The following ZNF345 variants were observed in gnomAD, a reference collection of about 807,000 sequenced individuals.
ZNF345 encodes the protein zinc finger protein HZF10.
For missense variants in ZNF345, 527 were observed against 589.9 expected (o/e 0.89, Z 1.10); for synonymous variants, 166 against 187.9 (o/e 0.88, Z 0.95).
intron 3 of ZNF345, chr19:36,888,732 G>GC (rs2073021786): frequency 6.6e-6 from 1 of 151,628 alleles, no homozygotes; most frequent in African/African-American, 2.4e-5. Context: ...TGGCTTTGTT[G>GC]CTCCCCCGGC....
intron 2 of ZNF345, among the ~76,000 whole-genome samples, chr19:36,873,851 C>T (rs2072821718): frequency 6.6e-6 from 1 of 152,108 alleles, no homozygotes. Flanking sequence ...TTATATATAT[C>T]ACAATTTCTT....
intron 2 of ZNF345, among the ~76,000 whole-genome samples, chr19:36,859,444 C>G (rs1320222189): frequency 6.6e-6 from 1 of 152,004 alleles, no homozygotes; most frequent in Non-Finnish European, 1.5e-5. Context: ...GCGTGAGCCA[C>G]CACACCCAGA....
intron 2 of ZNF345, among the ~76,000 whole-genome samples, chr19:36,852,181 G>A (rs550226308): frequency 3.3e-4 from 42 of 128,736 alleles, no homozygotes; most frequent in Non-Finnish European, 5.3e-4. Context: ...TGCTGTGCCC[G>A]GCCTTATCCT....
chr19:36,857,987 C>T (rs997139690), intron 2 of ZNF345, among the ~76,000 whole-genome samples: 4 of 151,440 alleles, frequency 2.6e-5, no homozygotes, highest in Non-Finnish European at 5.9e-5. Flanking sequence ...ACCATGTTGT[C>T]CAGGCTGGTC....
In ZNF345 at chr19:36,876,794, C is replaced by A; in HGVS notation, c.-37C>A. On this transcript the variant is annotated 5_prime_UTR_variant, in exon 3 of 3. Transcript: ENST00000420450. ...TTATATTTTCTTTCAGACTATGAAT[C>A]AAAGTTGAGACCAAGAAATTATTTC... The A allele has an allele frequency of 6.5e-7, 1 of 1,538,996 alleles. No individual in the cohort carries two copies. Among genetic ancestry groups the A allele is most frequent in the Non-Finnish European group, 8.7e-7 (1 of 1,147,218 alleles).
chr19:36,891,729 AC>A (rs759155383), intron 3 of ZNF345: 31 of 1,614,024 alleles, frequency 1.9e-5, no homozygotes, highest in Non-Finnish European at 2.5e-5. Context: ...TACATTCTTC[AC>A]ATTCATAGAG....
chr19:36,865,772 T>C (rs2072646716), intron 2 of ZNF345, among the ~76,000 whole-genome samples: 1 of 152,238 alleles, frequency 6.6e-6, no homozygotes, highest in Admixed American at 6.5e-5. Context: ...TTTACGGACA[T>C]GCACATATTT....
chr19:36,877,082 T>TA lies in ZNF345; in HGVS notation c.253dup (p.Thr85AsnfsTer3), dbSNP rs1267302447. 1.9e-6 allele frequency: 3 copies of TA among 1,614,044 alleles called. No homozygotes were observed. The highest frequency in any genetic ancestry group is 2.5e-6 in the Non-Finnish European group (3 of 1,179,970). On this transcript the variant is annotated frameshift_variant, in exon 3 of 3. Coordinates refer to ENST00000420450, the MANE Select transcript of ZNF345 (RefSeq NM_001242472.2). LOFTEE classifies it low-confidence loss of function (END_TRUNC). ...TCCTTGTTCGACATCAGCGAATTCATACTGGTGAGAAACCTTATGAATGCA... is the reference window on the plus strand; with the variant it reads ...TCCTTGTTCGACATCAGCGAATTCATAACTGGTGAGAAACCTTATGAATGCA...
intron 2 of ZNF345, among the ~76,000 whole-genome samples, chr19:36,873,901 T>C (rs1418523988): frequency 6.6e-6 from 1 of 152,178 alleles, no homozygotes; most frequent in East Asian, 1.9e-4. Flanking sequence ...GTTATTTTCA[T>C]GTCTTGGCTA....
intron 2 of ZNF345, among the ~76,000 whole-genome samples, chr19:36,861,546 T>C (rs968808961): frequency 6.6e-6 from 1 of 152,082 alleles, no homozygotes; most frequent in Admixed American, 6.6e-5. Flanking sequence ...ATAGTTCTCT[T>C]TATCTTTTTA....
intron 2 of ZNF345, among the ~76,000 whole-genome samples, chr19:36,859,751 A>G (rs1249463172): frequency 2.6e-5 from 4 of 152,112 alleles, no homozygotes; most frequent in Non-Finnish European, 4.4e-5. Flanking sequence ...TGAAACTTGT[A>G]GAAGTTAAAA....
At chr19:36,876,110 C>G (rs73039103) in intron 2 of ZNF345, among the ~76,000 whole-genome samples, 1 of 152,274 alleles carries the variant, frequency 6.6e-6, no homozygotes, top group Non-Finnish European at 1.5e-5. Context: ...TCCATCTTCT[C>G]TCAATGTTAT....
rs778546257 is a variant in ZNF345, at chr19:36,887,268, T to C, written c.47-5550T>C. On this transcript the variant is annotated intron_variant, in intron 3 of 3. Coordinates refer to the ZNF345 transcript ENST00000526123. The stretch of plus-strand genomic sequence containing the variant: ...AACCTAAGGGGAAATGATGACTAAA[T>C]GCAATGTGTTCTCCTGCTTAGAATG... Among the ~76,000 whole-genome samples, 89 of 151,834 alleles carry C rather than the reference T, an allele frequency of 5.9e-4. 1 individual carries two copies. Among genetic ancestry groups the C allele is most frequent in the Non-Finnish European group, 1.1e-3 (76 of 67,980 alleles).
At chr19:36,855,076 C>T (rs1018820775) in intron 2 of ZNF345, among the ~76,000 whole-genome samples, 1 of 150,836 alleles carries the variant, frequency 6.6e-6, no homozygotes, top group Non-Finnish European at 1.5e-5. Context: ...TGGTCTCGAT[C>T]TCCTGACCTG....
chr19:36,882,061 T>A (rs562187357), downstream of ZNF345, among the ~76,000 whole-genome samples: 169 of 151,410 alleles, frequency 1.1e-3, 1 homozygote, highest in Non-Finnish European at 1.9e-3. Context: ...GTTTTTTTTT[T>A]AAAAAAAACC....
downstream of ZNF345, among the ~76,000 whole-genome samples, chr19:36,882,053 T>TG (rs201020813): frequency 1.1e-3 from 156 of 148,512 alleles, no homozygotes; most frequent in African/African-American, 3.8e-3. Context: ...TTTTACTTGT[T>TG]TTTTTTTTAA....
intron 3 of ZNF345, among the ~76,000 whole-genome samples, chr19:36,886,886 C>T (rs1271783788): frequency 6.7e-6 from 1 of 149,978 alleles, no homozygotes; most frequent in Non-Finnish European, 1.5e-5. Flanking sequence ...CCCAGCTACT[C>T]GGGAGGCTGA....
chr19:36,858,319 T>G (rs1036661449), intron 2 of ZNF345: 5 of 151,142 alleles, frequency 3.3e-5, no homozygotes, highest in African/African-American at 4.9e-5. Context: ...CCACTTGCAC[T>G]TGGACTAGCC....
chr19:36,851,259 T>A (rs1360219880), intron 1 of ZNF345: 2 of 152,004 alleles, frequency 1.3e-5, no homozygotes, highest in Non-Finnish European at 2.9e-5. Context: ...GTGTGTGTGT[T>A]TACTACCATT....
Sources: gnomAD v4.1 joint callset for allele counts (sites outside exome capture counted in the v4.1 genomes callset) on GRCh38, gnomAD v4.1.1 for gene constraint, MANE v1.5 for transcripts, NCBI Gene and HGNC (gene_info 2026-07-23, HGNC 2026-07-21) for gene names.